The following NFAM1 variants were observed in gnomAD, a reference collection of about 807,000 sequenced individuals.
The protein encoded by NFAM1 is NFAT activation molecule 1.
Under a neutral mutation model 29.0 loss-of-function variants are expected in NFAM1, and 17 were observed. The ratio of observed to expected loss-of-function variants is 0.59; its 90% confidence interval spans 0.40 to 0.88. The LOEUF is 0.88. Ranked by LOEUF, NFAM1 falls within the 40% of genes least tolerant of loss-of-function variation. The pLI, the probability that NFAM1 is intolerant of heterozygous loss-of-function variation, is 0.00. For missense variants in NFAM1, 324 were observed against 344.6 expected, an observed-to-expected ratio of 0.94 and a Z score of 0.47; for synonymous variants, 175 against 147.2, an observed-to-expected ratio of 1.19 and a Z score of -1.36.
At chr22:42,407,459 C>T (rs1929937654) in intron 3 of NFAM1, among the ~76,000 whole-genome samples, 1 of 152,124 alleles carries the variant, frequency 6.6e-6, no homozygotes. Flanking sequence ...ACCTCCACCT[C>T]CCGGGTTCAA....
intron 1 of NFAM1, among the ~76,000 whole-genome samples, chr22:42,426,852 C>T (rs1037965133): frequency 2.6e-5 from 4 of 152,132 alleles, no homozygotes; most frequent in East Asian, 1.9e-4. Context: ...ACTGTGCCCT[C>T]GAGCCCTGTC....
chr22:42,436,915 T>C (rs1463444772), upstream of NFAM1: 1 of 659,746 alleles, frequency 1.5e-6, no homozygotes, highest in Non-Finnish European at 1.9e-6. Flanking sequence ...ATTATACGCC[T>C]CAGCTGACAT....
rs536315784 is a variant in NFAM1, at chr22:42,385,033, T to C, written c.*128A>G. ...GGGCCGGCCAAGACAGGAAGGGCCTTGAATGTGAGGGTGAAATGATGGGGT... is the reference window on the plus strand; with the variant it reads ...GGGCCGGCCAAGACAGGAAGGGCCTCGAATGTGAGGGTGAAATGATGGGGT... On this transcript the variant is annotated 3_prime_UTR_variant, in exon 6 of 6. Coordinates refer to ENST00000329021, the MANE Select transcript of NFAM1 (RefSeq NM_145912.8). 1.3e-3 allele frequency: 1,006 copies of C among 763,996 alleles called. 3 individuals carry two copies. The highest frequency in any genetic ancestry group is 2.2e-3 in the Non-Finnish European group (919 of 423,186). The allele number at this position is 763,996 out of a possible 1,614,324, so 47.3% of individuals were successfully genotyped here. A position where few individuals can be genotyped will look rare whatever the true frequency, so the allele number is the denominator to read the frequency against.
In NFAM1 at chr22:42,432,337, C is replaced by T. The variant is rs375158697; in HGVS notation, c.21G>A (p.Arg7=). Residue 7 remains arginine, a synonymous_variant, in exon 1 of 6, where the codon AGG becomes AGA. Transcript: ENST00000329021. MENQPV[R]WRALPGLPRP... is the part of the protein sequence containing the mutation. Reference sequence around the variant, plus strand: ...GTGGGAGGCCTGGCAGGGCCCGCCACCTCACAGGCTGGTTCTCCATCTGGG... The same window carrying T: ...GTGGGAGGCCTGGCAGGGCCCGCCATCTCACAGGCTGGTTCTCCATCTGGG... The T allele has an allele frequency of 6.7e-5, 106 of 1,579,606 alleles. No individual in the cohort carries two copies. Among genetic ancestry groups the T allele is most frequent in the Non-Finnish European group, 8.9e-5 (103 of 1,163,176 alleles).
At chr22:42,420,015 T>C (rs113673976) in intron 1 of NFAM1, among the ~76,000 whole-genome samples, 1 of 140,212 alleles carries the variant, frequency 7.1e-6, no homozygotes, top group African/African-American at 2.7e-5. Context: ...TTTTTTTTTT[T>C]TTTTTTTTTT....
At chr22:42,411,913 C>CA in intron 1 of NFAM1, among the ~76,000 whole-genome samples, 177 bp from the exon 2 acceptor site, 1 of 152,312 alleles carries the variant, frequency 6.6e-6, no homozygotes, top group African/African-American at 2.4e-5. Flanking sequence ...GCCTGGCCAA[C>CA]ATGGTGAAAC....
At position 42,417,147 on chromosome 22, in the gene NFAM1, A is replaced by G. The variant is rs150016994; in HGVS notation, c.122-5411T>C. On this transcript the variant is annotated intron_variant, in intron 1 of 5. Coordinates refer to ENST00000329021, the MANE Select transcript of NFAM1 (RefSeq NM_145912.8). The stretch of plus-strand genomic sequence containing the variant: ...AAGGGGTCTGGGTGGGAAAGAGAAG[A>G]GGCACCTCGCCCCTCACCCTCACAC... Among the ~76,000 whole-genome samples, 249 of 152,316 alleles carry G rather than the reference A, an allele frequency of 1.6e-3. 1 individual carries two copies. Among genetic ancestry groups the G allele is most frequent in the African/African-American group, 5.7e-3 (235 of 41,566 alleles).
chr22:42,395,391 G>A (rs1007420380), intron 4 of NFAM1, among the ~76,000 whole-genome samples: 2 of 151,804 alleles, frequency 1.3e-5, no homozygotes, highest in Non-Finnish European at 2.9e-5. Flanking sequence ...CAGGAGAATC[G>A]CTTGAACAGG....
At chr22:42,431,775 T>TCCCCCCCCCCCCCCCCC (rs34684252) in intron 1 of NFAM1, among the ~76,000 whole-genome samples, 13 of 146,696 alleles carry the variant, frequency 8.9e-5, no homozygotes, top group African/African-American at 2.9e-4. Flanking sequence ...GGCCCTGGTA[T>TCCCCCCCCCCCCCCCCC]CCCCCCCTCC....
chr22:42,394,442 C>T (rs972294216), intron 4 of NFAM1, among the ~76,000 whole-genome samples: 1 of 152,202 alleles, frequency 6.6e-6, no homozygotes, highest in Non-Finnish European at 1.5e-5. Flanking sequence ...AATCCTCCTA[C>T]CTCAGCCTCC....
intron 3 of NFAM1, among the ~76,000 whole-genome samples, chr22:42,399,341 G>C (rs183563799): frequency 8.1e-4 from 123 of 151,956 alleles, no homozygotes; most frequent in African/African-American, 2.9e-3. Context: ...CAGCTACTCG[G>C]GAGGGTGAGG....
intron 3 of NFAM1, among the ~76,000 whole-genome samples, chr22:42,408,620 G>T (rs1224628008): frequency 6.6e-6 from 1 of 152,240 alleles, no homozygotes; most frequent in African/African-American, 2.4e-5. Flanking sequence ...ACCACCATGT[G>T]CTGGGCAAGG....
At chr22:42,428,695 G>GGATAT (rs1930704183) in intron 1 of NFAM1, among the ~76,000 whole-genome samples, 1 of 151,948 alleles carries the variant, frequency 6.6e-6, no homozygotes, top group Admixed American at 6.5e-5. Flanking sequence ...GGGTCCCTCT[G>GGATAT]GTGCCTAGAA....
At chr22:42,418,454 G>A (rs573022913) in intron 1 of NFAM1, among the ~76,000 whole-genome samples, 48 of 152,298 alleles carry the variant, frequency 3.2e-4, no homozygotes, top group African/African-American at 1.1e-3. Context: ...CACTTTGGGA[G>A]GCCGAGGCAG....
chr22:42,410,032 C>CCCAT (rs1472594098), intron 2 of NFAM1, among the ~76,000 whole-genome samples: 1 of 152,174 alleles, frequency 6.6e-6, no homozygotes, highest in Non-Finnish European at 1.5e-5. Context: ...TTCCCCTCAC[C>CCCAT]CCATCCATCC....
chr22:42,397,971 G>C lies in NFAM1; in HGVS notation c.565-15C>G, dbSNP rs1352610983. The C allele has an allele frequency of 3.0e-5, 44 of 1,470,262 alleles. No individual in the cohort carries two copies. The East Asian group carries it at 9.8e-4, about 33-fold the overall frequency. 91.1% of individuals were successfully genotyped at this position (1,470,262 alleles called of 1,614,324 possible). On this transcript the variant is annotated splice_polypyrimidine_tract_variant and intron_variant, in intron 3 of 5. Transcript: ENST00000329021. The stretch of plus-strand genomic sequence containing the variant: ...CGCATCCGCTTCTGTAGGGAGAAAG[G>C]AGTCAGGGCCAGGGATGAGTGGCTC...
chr22:42,437,169 G>A (rs1034176212), upstream of NFAM1: 4 of 184,166 alleles, frequency 2.2e-5, no homozygotes, highest in African/African-American at 5.1e-5. Context: ...CTGAGATGGA[G>A]TCTCGCTCCG....
chr22:42,405,661 T>C (rs1231105328), intron 3 of NFAM1, among the ~76,000 whole-genome samples: 1 of 152,180 alleles, frequency 6.6e-6, no homozygotes, highest in East Asian at 1.9e-4. Context: ...TCATGAAAGC[T>C]GAAGGAAGTG....
intron 5 of NFAM1, among the ~76,000 whole-genome samples, chr22:42,385,797 G>T (rs534127939): frequency 1.6e-4 from 25 of 152,186 alleles, no homozygotes; most frequent in Admixed American, 1.6e-3. Context: ...TTCACTCAGG[G>T]TCTAGTTGAG....
Sources: gnomAD v4.1 joint callset for allele counts (sites outside exome capture counted in the v4.1 genomes callset) on GRCh38, gnomAD v4.1.1 for gene constraint, MANE v1.5 for transcripts, NCBI Gene and HGNC (gene_info 2026-07-23, HGNC 2026-07-21) for gene names.